The following TCF4 variants were observed in gnomAD, a reference collection of about 807,000 sequenced individuals.
The protein encoded by TCF4 is SL3-3 enhancer factor 2.
Under a neutral mutation model 82.1 loss-of-function variants are expected in TCF4, and 3 were observed. That is an observed-to-expected ratio of 0.04 (90% CI 0.02 to 0.09). TCF4 has a LOEUF of 0.09. Among genes scored for constraint, TCF4 ranks in the 10% least tolerant of loss-of-function variants. The pLI is 1.00. For synonymous variants in TCF4, 276 were observed against 309.6 expected, an observed-to-expected ratio of 0.89 and a Z score of 1.14; for missense variants, 518 against 852.7, an observed-to-expected ratio of 0.61 and a Z score of 4.89.
At chr18:55,467,003 T>G (rs894301015) in intron 3 of TCF4, among the ~76,000 whole-genome samples, 25 of 152,360 alleles carry the variant, frequency 1.6e-4, no homozygotes, top group African/African-American at 5.8e-4. Flanking sequence ...TTTCTTTCTT[T>G]GATTGCTCTC....
intron 3 of TCF4, among the ~76,000 whole-genome samples, chr18:55,573,555 C>T (rs1489766220): frequency 1.3e-5 from 2 of 152,152 alleles, no homozygotes; most frequent in African/African-American, 4.8e-5. Flanking sequence ...GTGGCTCAGT[C>T]TTGCGGGATC....
At chr18:55,321,516 G>T (rs2075485177) in intron 8 of TCF4, 1 of 1,128,864 alleles carries the variant, frequency 8.9e-7, no homozygotes, top group Non-Finnish European at 1.3e-6. Flanking sequence ...GCAAGAAGAA[G>T]ATCTTAGGAT....
intron 2 of TCF4, chr18:55,586,153 GAGC>G (rs55725917): frequency 0.022 from 15,542 of 702,900 alleles, 277 homozygotes; most frequent in East Asian, 0.076. Context: ...GGAGGAGGAG[GAGC>G]AGCAGCAGCA....
At chr18:55,312,285 C>T (rs561720872) in intron 8 of TCF4, among the ~76,000 whole-genome samples, 1 of 152,260 alleles carries the variant, frequency 6.6e-6, no homozygotes, top group South Asian at 2.1e-4. Context: ...CAACTGAACC[C>T]AGGAATCACC....
intron 3 of TCF4, among the ~76,000 whole-genome samples, chr18:55,487,326 T>C (rs1194546784): frequency 1.3e-5 from 2 of 152,220 alleles, no homozygotes; most frequent in Non-Finnish European, 2.9e-5. Flanking sequence ...ATTACATACA[T>C]ACATATATTT....
upstream of TCF4, among the ~76,000 whole-genome samples, chr18:55,590,316 G>A (rs1254045570): frequency 6.6e-6 from 1 of 152,200 alleles, no homozygotes; most frequent in Non-Finnish European, 1.5e-5. Context: ...TCCTAGGCTG[G>A]AAGAGGGATG....
At chr18:55,366,636 T>C (rs1347008877) in intron 6 of TCF4, among the ~76,000 whole-genome samples, 2 of 152,216 alleles carry the variant, frequency 1.3e-5, no homozygotes, top group African/African-American at 4.8e-5. Context: ...TAAACCTATT[T>C]CACGAAAAAG....
rs143131541 is a variant in TCF4, at chr18:55,615,012, T to G, written c.286+16286A>C. 1.7e-3 allele frequency among the ~76,000 whole-genome samples: 266 copies of G among 152,308 alleles called. 2 individuals are homozygous for G. Among genetic ancestry groups the G allele is most frequent in the Non-Finnish European group, 2.9e-3 (196 of 67,994 alleles). On this transcript the variant is annotated intron_variant, in intron 2 of 20. Coordinates refer to the TCF4 transcript ENST00000398339. ...ATTGGTGGAAAAAAGTGAGTTTTCTTTATGTGTGCATCTATTTTTGGACCC... is the reference window on the plus strand; with the variant it reads ...ATTGGTGGAAAAAAGTGAGTTTTCTGTATGTGTGCATCTATTTTTGGACCC...
intron 8 of TCF4, among the ~76,000 whole-genome samples, chr18:55,306,425 G>A (rs2070362977): frequency 6.6e-6 from 1 of 152,140 alleles, no homozygotes; most frequent in Non-Finnish European, 1.5e-5. Context: ...GCCCATGCCA[G>A]GGAGTTTGAT....
intron 6 of TCF4, among the ~76,000 whole-genome samples, chr18:55,373,901 T>A (rs560683775): frequency 9.5e-4 from 145 of 152,182 alleles, no homozygotes; most frequent in African/African-American, 3.1e-3. Flanking sequence ...TAAGCATTTT[T>A]AAAAATCCTA....
chr18:55,260,239 T>C (rs1199605759), intron 12 of TCF4, among the ~76,000 whole-genome samples: 3 of 152,168 alleles, frequency 2.0e-5, no homozygotes, highest in Admixed American at 6.5e-5. Context: ...TATGGGATGG[T>C]GGGAAAAGAG....
intron 2 of TCF4, among the ~76,000 whole-genome samples, chr18:55,598,254 C>A (rs920908857): frequency 4.1e-4 from 63 of 152,240 alleles, no homozygotes; most frequent in African/African-American, 1.3e-3. Context: ...ATGTCCTGGG[C>A]TGAAGCATTA....
At chr18:55,461,522 G>C (rs893501253) in intron 4 of TCF4, among the ~76,000 whole-genome samples, 1 of 152,088 alleles carries the variant, frequency 6.6e-6, no homozygotes, top group Non-Finnish European at 1.5e-5. Context: ...GCAATGAATT[G>C]CTTTTCAAAG....
At chr18:55,529,643 A>G (rs2097035035) in intron 3 of TCF4, among the ~76,000 whole-genome samples, 1 of 152,184 alleles carries the variant, frequency 6.6e-6, no homozygotes, top group African/African-American at 2.4e-5. Flanking sequence ...CTGCTGAGCT[A>G]AAATCTCTGC....
rs2144240192 is a variant in TCF4, at chr18:55,223,753, C to T, written c.*4282G>A. The T allele has an allele frequency of 7.0e-6, 1 of 143,396 alleles. No homozygotes were observed. The highest frequency in any genetic ancestry group is 2.0e-4 in the East Asian group (1 of 4,920). The allele number at this position is 143,396 out of a possible 1,614,324, so 8.9% of individuals were successfully genotyped here. A position where few individuals can be genotyped will look rare whatever the true frequency, so the allele number is the denominator to read the frequency against. On this transcript the variant is annotated 3_prime_UTR_variant, in exon 20 of 20. Coordinates refer to ENST00000354452, the MANE Select transcript of TCF4 (RefSeq NM_001083962.2). ...TTTTTTTAAGTTTTTAATGCTGCAG[C>T]TATGTGTACAGTCGCAAAAAATTTC...
intron 6 of TCF4, among the ~76,000 whole-genome samples, chr18:55,397,939 A>C (rs2093596337): frequency 6.6e-6 from 1 of 152,178 alleles, no homozygotes; most frequent in Non-Finnish European, 1.5e-5. Context: ...GGTATGTGGC[A>C]TTCATTTTAT....
chr18:55,505,361 A>C (rs1308237743), intron 3 of TCF4, among the ~76,000 whole-genome samples: 1 of 152,222 alleles, frequency 6.6e-6, no homozygotes, highest in East Asian at 1.9e-4. Context: ...ATACATAATA[A>C]TGACATAATC....
intron 6 of TCF4, among the ~76,000 whole-genome samples, chr18:55,381,742 C>T (rs985310895): frequency 2.0e-5 from 3 of 152,140 alleles, no homozygotes; most frequent in Non-Finnish European, 4.4e-5. Context: ...ATCCCGCTTT[C>T]ATTACATTGC....
At chr18:55,273,252 T>C (rs2060761505) in intron 10 of TCF4, among the ~76,000 whole-genome samples, 2 of 152,164 alleles carry the variant, frequency 1.3e-5, no homozygotes, top group South Asian at 4.1e-4. Context: ...ACACATTCTG[T>C]TATAACATGG....
Sources: gnomAD v4.1 joint callset for allele counts (sites outside exome capture counted in the v4.1 genomes callset) on GRCh38, gnomAD v4.1.1 for gene constraint, MANE v1.5 for transcripts, NCBI Gene and HGNC (gene_info 2026-07-23, HGNC 2026-07-21) for gene names.